The following XKR4 variants were observed in gnomAD, a reference collection of about 807,000 sequenced individuals.
The protein encoded by XKR4 is XK related 4.
XKR4 carries 12 observed loss-of-function variants against 53.9 expected under a neutral mutation model. The observed-to-expected ratio is 0.22, with a 90% CI of 0.14 to 0.36. The LOEUF is 0.36. XKR4 is among the 10% of genes least tolerant of loss of function. The pLI is 1.00. For missense variants in XKR4, 799 were observed against 859.5 expected (o/e 0.93, Z 0.88); for synonymous variants, 354 against 362.4 (o/e 0.98, Z 0.26).
intron 2 of XKR4, among the ~76,000 whole-genome samples, chr8:55,447,957 G>T (rs1448974629): frequency 6.6e-6 from 1 of 152,172 alleles, no homozygotes; most frequent in Non-Finnish European, 1.5e-5. Flanking sequence ...ACTTTGATAT[G>T]ATGTCAGTTG....
intron 1 of XKR4, among the ~76,000 whole-genome samples, chr8:55,341,047 A>C (rs1803537553): frequency 6.6e-6 from 1 of 152,134 alleles, no homozygotes; most frequent in Non-Finnish European, 1.5e-5. Context: ...CTTTTGGAGG[A>C]TTTATGTCTA....
chr8:55,164,046 C>A, intron 1 of XKR4: 2 of 357,306 alleles, frequency 5.6e-6, no homozygotes, highest in South Asian at 4.2e-5. Context: ...CACATGCACA[C>A]AACTGTTTCA....
At chr8:55,152,082 C>G (rs775078324) in intron 1 of XKR4, among the ~76,000 whole-genome samples, 10 of 152,038 alleles carry the variant, frequency 6.6e-5, no homozygotes, top group Non-Finnish European at 1.3e-4. Flanking sequence ...GCAGCAAGAT[C>G]CACTTAAATG....
intron 2 of XKR4, among the ~76,000 whole-genome samples, chr8:55,489,572 G>A (rs1806242838): frequency 6.6e-6 from 1 of 151,422 alleles, no homozygotes; most frequent in Non-Finnish European, 1.5e-5. Flanking sequence ...TACCCTCTTA[G>A]ACCTCAGTCT....
chr8:55,519,359 A>G (rs1236803953), intron 2 of XKR4, among the ~76,000 whole-genome samples: 8 of 152,192 alleles, frequency 5.3e-5, no homozygotes. Flanking sequence ...CACTGAAGGA[A>G]TCGTCATATT....
intron 2 of XKR4, among the ~76,000 whole-genome samples, chr8:55,428,521 C>G (rs968178959): frequency 6.6e-6 from 1 of 152,232 alleles, no homozygotes; most frequent in South Asian, 2.1e-4. Context: ...GACTTCCACC[C>G]TGGTCAGGCT....
intron 2 of XKR4, among the ~76,000 whole-genome samples, chr8:55,425,847 G>T (rs1805004482): frequency 6.6e-6 from 1 of 152,142 alleles, no homozygotes; most frequent in Non-Finnish European, 1.5e-5. Context: ...AATCCACCCT[G>T]CATGGAGACA....
intron 2 of XKR4, among the ~76,000 whole-genome samples, chr8:55,431,602 T>C (rs886899219): frequency 6.6e-6 from 1 of 152,218 alleles, no homozygotes; most frequent in Non-Finnish European, 1.5e-5. Flanking sequence ...CGATTCTTTG[T>C]TAGCATTTAT....
chr8:55,168,799 G>A (rs1817106991), intron 1 of XKR4, among the ~76,000 whole-genome samples: 1 of 152,124 alleles, frequency 6.6e-6, no homozygotes, highest in East Asian at 1.9e-4. Flanking sequence ...GAAATGCCGG[G>A]ACTGTCTGCC....
intron 1 of XKR4, among the ~76,000 whole-genome samples, chr8:55,121,899 G>A (rs1392214621): frequency 1.3e-5 from 2 of 151,598 alleles, no homozygotes; most frequent in East Asian, 1.9e-4. Context: ...CCTGAGAGTT[G>A]GACAGTTGCC....
chr8:55,316,096 T>C (rs1050690174), intron 1 of XKR4, among the ~76,000 whole-genome samples: 21 of 152,306 alleles, frequency 1.4e-4, no homozygotes, highest in African/African-American at 5.1e-4. Flanking sequence ...CTTAGCACCA[T>C]AAAGGATTTT....
chr8:55,139,030 C>T (rs1816666228), intron 1 of XKR4, among the ~76,000 whole-genome samples: 1 of 152,104 alleles, frequency 6.6e-6, no homozygotes, highest in Non-Finnish European at 1.5e-5. Flanking sequence ...AATCTGTGCA[C>T]AGTAAGGAGT....
chr8:55,248,655 A>T (rs1455398351), intron 1 of XKR4, among the ~76,000 whole-genome samples: 4 of 152,250 alleles, frequency 2.6e-5, no homozygotes, highest in East Asian at 1.9e-4. Context: ...TGCATGTTTC[A>T]TAGGGCCACA....
chr8:55,524,185 T>C lies in XKR4; in HGVS notation c.1911T>C (p.Asp637=), dbSNP rs1300890245. Residue 637 remains aspartate, a synonymous_variant, in exon 3 of 3, where the codon GAT becomes GAC. Coordinates refer to ENST00000327381, the MANE Select transcript of XKR4 (RefSeq NM_052898.2). ...CTCCAAGGCTGCAGTACAAAGATGA[T>C]GCCCTTATTCAGGAGCGGTTGGAGT... is the stretch of plus-strand genomic sequence containing the variant. The part of the protein sequence containing the change: ...PSPPRLQYKD[D]ALIQERLEYE... The C allele has an allele frequency of 6.2e-7, 1 of 1,614,238 alleles. No homozygotes were observed. Among genetic ancestry groups the C allele is most frequent in the Non-Finnish European group, 8.5e-7 (1 of 1,180,034 alleles).
chr8:55,515,501 C>A (rs1434269573), intron 2 of XKR4, among the ~76,000 whole-genome samples: 1 of 152,130 alleles, frequency 6.6e-6, no homozygotes, highest in African/African-American at 2.4e-5. Context: ...AAGACAATCT[C>A]TAAACACACT....
chr8:55,473,694 A>T (rs929701574), intron 2 of XKR4, among the ~76,000 whole-genome samples: 4 of 152,142 alleles, frequency 2.6e-5, no homozygotes, highest in African/African-American at 9.7e-5. Flanking sequence ...CATATGGACC[A>T]TTTCTATAAA....
rs567373554 is a variant in XKR4, at chr8:55,375,961, T to C, written c.1006+18084T>C. ...GTTCTCATTGTTCAGCTCCCACTTA[T>C]AAGTGAGAACATGCGGTGTTTGGTT... On this transcript the variant is annotated intron_variant, in intron 2 of 2. Coordinates refer to ENST00000327381, the MANE Select transcript of XKR4 (RefSeq NM_052898.2). Among the ~76,000 whole-genome samples the C allele has an allele frequency of 6.3e-4, 96 of 152,300 alleles. 2 individuals carry two copies. The highest frequency in any genetic ancestry group is 5.8e-3 in the South Asian group (28 of 4,820).
chr8:55,343,900 C>T (rs540341878), intron 1 of XKR4, among the ~76,000 whole-genome samples: 3 of 152,272 alleles, frequency 2.0e-5, no homozygotes, highest in Non-Finnish European at 2.9e-5. Context: ...TAACACACTG[C>T]CTTAAAAAGA....
Position 55,103,122 on chromosome 8 carries a change from C to A in XKR4, c.634C>A (p.Pro212Thr). 1 of 1,613,608 alleles carries A rather than the reference C, an allele frequency of 6.2e-7. No homozygotes were observed. Among genetic ancestry groups the A allele is most frequent in the Non-Finnish European group, 8.5e-7 (1 of 1,180,020 alleles). The change falls in exon 1 of 3, where the codon CCG becomes ACG. Residue 212 changes from proline to threonine, a missense_variant. Pro to Thr is a conservative substitution (Grantham distance 38). Around this residue, in one of 3 missense-constraint regions of XKR4, gnomAD observed 476 missense variants for 505.4 expected, o/e 0.94. Transcript: ENST00000327381. ...AGEGEARPST[P>T]QRQASNASKS... ...GGAAGGCGAGGCTCGTCCTTCCACGCCGCAAAGGCAAGCATCTAACGCCAG... is the reference window on the plus strand; with the variant it reads ...GGAAGGCGAGGCTCGTCCTTCCACGACGCAAAGGCAAGCATCTAACGCCAG...
Sources: gnomAD v4.1 joint callset for allele counts (sites outside exome capture counted in the v4.1 genomes callset) on GRCh38, gnomAD v4.1.1 for gene constraint, gnomAD v4.1.1 regional missense constraint, MANE v1.5 for transcripts, NCBI Gene and HGNC (gene_info 2026-07-23, HGNC 2026-07-21) for gene names.